The following VCL variants were observed in gnomAD, a reference collection of about 807,000 sequenced individuals.
VCL encodes the protein epididymis luminal protein 114.
In VCL, 47 loss-of-function variants were observed where a neutral mutation model predicts 125.7. That is an observed-to-expected ratio of 0.37 (90% confidence interval 0.30 to 0.48). The LOEUF (loss-of-function observed/expected upper bound fraction) is 0.48, where lower values mean the gene tolerates loss of function less well. Ranked by LOEUF, VCL falls within the 20% of genes least tolerant of loss-of-function variation. The pLI is 0.99. For missense variants in VCL, 1,069 were observed against 1,455.5 expected (o/e 0.73, Z 4.32); for synonymous variants, 458 against 514.6 (o/e 0.89, Z 1.49).
intron 1 of VCL, among the ~76,000 whole-genome samples, chr10:74,039,091 T>C (rs1841042198): frequency 6.6e-6 from 1 of 152,112 alleles, no homozygotes; most frequent in Non-Finnish European, 1.5e-5. Context: ...TTTGTATTTT[T>C]AGTAGAGACA....
intron 1 of VCL, 145 bp downstream of exon 1, chr10:73,998,520 C>G (rs1218963775): frequency 1.3e-6 from 1 of 795,962 alleles, no homozygotes; most frequent in South Asian, 3.9e-5. Flanking sequence ...CGAATGGCCT[C>G]TTCTCCGCCC....
rs750610030 is a variant in VCL at position 74,072,851 on chromosome 10, A to T, written c.621A>T (p.Ser207=). Residue 207 remains serine (S), a splice_region_variant and synonymous_variant, in exon 5 of 22, where the codon TCA becomes TCT. Coordinates refer to ENST00000211998, the MANE Select transcript of VCL (RefSeq NM_014000.3). ...AAGAGTTGCTGCCAGTTCTCATTTC[A>T]GGTACTTCCTGCCTGTACTTTATTT... is the stretch of plus-strand genomic sequence containing the variant. ...TVKELLPVLI[S]AMKIFVTTKN... is the part of the protein sequence containing the mutation. The T allele has an allele frequency of 6.2e-7, 1 of 1,614,004 alleles. No homozygotes were observed.
chr10:74,053,022 G>A (rs1841334886), intron 2 of VCL, among the ~76,000 whole-genome samples: 1 of 150,974 alleles, frequency 6.6e-6, no homozygotes, highest in African/African-American at 2.4e-5. Context: ...TTGCTCATGA[G>A]GGACCTTTAT....
intron 1 of VCL, among the ~76,000 whole-genome samples, chr10:74,032,945 G>A (rs1421842076): frequency 6.6e-6 from 1 of 152,088 alleles, no homozygotes; most frequent in Non-Finnish European, 1.5e-5. Context: ...ATGTTAAATG[G>A]TTTAGCCTCT....
At chr10:74,062,037 A>G (rs1158505071) in intron 2 of VCL, among the ~76,000 whole-genome samples, 3 of 151,596 alleles carry the variant, frequency 2.0e-5, no homozygotes, top group African/African-American at 7.3e-5. Context: ...AGCTGGGGCT[A>G]CAGGCGCACA....
chr10:74,067,323 G>GCAAATCAAA (rs1841585905), intron 2 of VCL, among the ~76,000 whole-genome samples: 2 of 151,758 alleles, frequency 1.3e-5, no homozygotes, highest in South Asian at 4.2e-4. Flanking sequence ...TTAAGGAATT[G>GCAAATCAAA]CAAATCAAAG....
rs761040547 is a variant in VCL at position 74,105,320 on chromosome 10, G to A, written c.2401G>A (p.Ala801Thr). Residue 801 changes from alanine (A) to threonine (T), a missense_variant, in exon 16 of 22, where the codon GCA (alanine) becomes ACA (threonine). By Grantham distance (58) the Ala-to-Thr change is moderately conservative. Around this residue, in one of 6 missense-constraint regions of VCL, gnomAD observed 760 missense variants for 928.9 expected, o/e 0.82. Transcript: ENST00000211998. ...AACCATCTCCCCGATGGTGATGGAT[G>A]CAAAAGCTGTGGCTGGAAACATTTC... is the stretch of plus-strand genomic sequence containing the variant. ...SKTISPMVMD[A>T]KAVAGNISDP... 1.9e-6 allele frequency: 3 copies of A among 1,612,584 alleles called. No individual in the cohort carries two copies. Among genetic ancestry groups the A allele is most frequent in the Non-Finnish European group, 2.5e-6 (3 of 1,179,956 alleles).
Position 74,114,267 on chromosome 10 carries a change from C to T in VCL, c.3033C>T (p.Thr1011=), listed in dbSNP as rs537877002. The change falls in exon 20 of 22, where the codon ACC becomes ACT. Residue 1011 remains threonine (T), a synonymous_variant. Coordinates refer to ENST00000211998, the MANE Select transcript of VCL (RefSeq NM_014000.3). ...MSRLVRGGSG[T]KRALIQCAKD... ...GGCTGGTAAGAGGGGGCAGTGGTAC[C>T]AAGCGGGCACTCATTCAGTGTGCCA... 1.9e-5 allele frequency: 31 copies of T among 1,614,114 alleles called. 1 individual carries two copies. The South Asian group carries it at 2.3e-4, about 12-fold the overall frequency.
chr10:74,080,381 T>C (rs1241004249), intron 6 of VCL, among the ~76,000 whole-genome samples: 1 of 152,280 alleles, frequency 6.6e-6, no homozygotes, highest in South Asian at 2.1e-4. Context: ...CAAATTAGGT[T>C]TGTAGGAGTC....
intron 1 of VCL, among the ~76,000 whole-genome samples, chr10:74,041,108 C>A (rs1252073518): frequency 6.6e-6 from 1 of 152,160 alleles, no homozygotes; most frequent in African/African-American, 2.4e-5. Context: ...CTTGGTCTCC[C>A]AAAGTGCTGG....
chr10:74,043,754 T>C (rs1591669416), intron 2 of VCL, among the ~76,000 whole-genome samples: 1 of 152,162 alleles, frequency 6.6e-6, no homozygotes, highest in Non-Finnish European at 1.5e-5. Context: ...TGAATCTACA[T>C]TGTATACTAG....
chr10:74,043,856 C>G (rs1564516239), intron 2 of VCL, among the ~76,000 whole-genome samples: 1 of 151,832 alleles, frequency 6.6e-6, no homozygotes, highest in Non-Finnish European at 1.5e-5. Flanking sequence ...GCCTGTCATC[C>G]CAGCACTTTG....
At chr10:74,058,011 G>A (rs780346165) in intron 2 of VCL, among the ~76,000 whole-genome samples, 7 of 152,094 alleles carry the variant, frequency 4.6e-5, no homozygotes, top group Non-Finnish European at 8.8e-5. Context: ...AAATATGATG[G>A]ACTTCTCAGA....
At chr10:74,012,200 T>C (rs537812289) in intron 1 of VCL, among the ~76,000 whole-genome samples, 1 of 152,342 alleles carries the variant, frequency 6.6e-6, no homozygotes, top group South Asian at 2.1e-4. Context: ...AACTGGCTCA[T>C]CTTTTATCTA....
chr10:74,019,623 A>C (rs1307352535), intron 1 of VCL, among the ~76,000 whole-genome samples: 1 of 152,098 alleles, frequency 6.6e-6, no homozygotes. Flanking sequence ...GAGAAAAGAC[A>C]CATCTGCAGC....
chr10:74,103,475 G>A (rs1840089941), intron 14 of VCL, among the ~76,000 whole-genome samples: 1 of 152,120 alleles, frequency 6.6e-6, no homozygotes, highest in African/African-American at 2.4e-5. Context: ...GTACTTTTCG[G>A]TATCCTTCTT....
At chr10:74,076,990 T>G (rs1255287072) in intron 6 of VCL, 2 of 152,640 alleles carry the variant, frequency 1.3e-5, no homozygotes, top group Non-Finnish European at 2.9e-5. Context: ...ATTAAAAAAA[T>G]GTAGTCAGTT....
chr10:74,075,538 C>A, intron 6 of VCL: 1 of 153,488 alleles, frequency 6.5e-6, no homozygotes, highest in Non-Finnish European at 1.5e-5. Flanking sequence ...GTTGCTGCTG[C>A]TCTGGTCTGC....
At chr10:74,092,029 C>T (rs1449433482) in intron 10 of VCL, among the ~76,000 whole-genome samples, 1 of 151,976 alleles carries the variant, frequency 6.6e-6, no homozygotes, top group Non-Finnish European at 1.5e-5. Flanking sequence ...CTGCCTCAGC[C>T]TCCCGAGTAG....
Sources: gnomAD v4.1 joint callset for allele counts (sites outside exome capture counted in the v4.1 genomes callset) on GRCh38, gnomAD v4.1.1 for gene constraint, gnomAD v4.1.1 regional missense constraint, MANE v1.5 for transcripts, NCBI Gene and HGNC (gene_info 2026-07-23, HGNC 2026-07-21) for gene names.